Variants in PACRG observed in about 807,000 individuals in gnomAD.
The protein encoded by PACRG is parkin coregulated gene protein.
A neutral mutation model predicts 29.7 loss-of-function variants in PACRG; 29 were observed. The ratio of observed to expected loss-of-function variants is 0.98; its 90% CI spans 0.73 to 1.33. The LOEUF (loss-of-function observed/expected upper bound fraction) is 1.33. Among genes scored for constraint, PACRG ranks in the 40% most tolerant of loss-of-function variants. PACRG has a pLI of 0.00. For missense variants in PACRG, 279 were observed against 316.2 expected, an observed-to-expected ratio of 0.88 and a Z score of 0.89; for synonymous variants, 116 against 118.7, an observed-to-expected ratio of 0.98 and a Z score of 0.15.
At chr6:163,066,005 G>A (rs968927581) in intron 3 of PACRG, among the ~76,000 whole-genome samples, 11 of 152,178 alleles carry the variant, frequency 7.2e-5, no homozygotes, top group African/African-American at 2.7e-4. Context: ...GACAGGAATA[G>A]CAATCATAAT....
At chr6:163,103,425 T>A (rs1299948497) in intron 4 of PACRG, among the ~76,000 whole-genome samples, 1 of 152,174 alleles carries the variant, frequency 6.6e-6, no homozygotes, top group Non-Finnish European at 1.5e-5. Flanking sequence ...CTCATCTGCC[T>A]TCCTTTTCTG....
At chr6:162,886,004 G>T (rs1283557308) in intron 2 of PACRG, among the ~76,000 whole-genome samples, 1 of 152,146 alleles carries the variant, frequency 6.6e-6, no homozygotes, top group African/African-American at 2.4e-5. Flanking sequence ...TTCATTAGTT[G>T]TAAGTTCTTT....
intron 2 of PACRG, among the ~76,000 whole-genome samples, chr6:163,016,657 T>C (rs1480718100): frequency 6.6e-6 from 1 of 152,136 alleles, no homozygotes; most frequent in African/African-American, 2.4e-5. Context: ...TTTTATGATA[T>C]GCAAGCACAG....
intron 4 of PACRG, among the ~76,000 whole-genome samples, chr6:163,309,014 A>T (rs1379160224): frequency 6.7e-6 from 1 of 148,772 alleles, no homozygotes; most frequent in African/African-American, 2.5e-5. Flanking sequence ...AAACTATTTG[A>T]TTTCTTCTGT....
intron 2 of PACRG, among the ~76,000 whole-genome samples, chr6:163,020,799 A>G (rs1038922955): frequency 2.0e-5 from 3 of 152,058 alleles, no homozygotes; most frequent in African/African-American, 7.2e-5. Context: ...TGTTCTAAAA[A>G]TGTCTCATTT....
At chr6:163,143,827 T>C (rs1180126791) in intron 4 of PACRG, among the ~76,000 whole-genome samples, 1 of 151,862 alleles carries the variant, frequency 6.6e-6, no homozygotes, top group African/African-American at 2.4e-5. Context: ...GGCAAAGAGA[T>C]CCTGAGAGGG....
chr6:163,123,598 C>G (rs1816393607), intron 4 of PACRG, among the ~76,000 whole-genome samples: 1 of 151,868 alleles, frequency 6.6e-6, no homozygotes, highest in Admixed American at 6.5e-5. Flanking sequence ...TACAGGAGAT[C>G]TCTGGAACTT....
chr6:162,819,709 TGTTTTTAA>T (rs935586420), intron 2 of PACRG, among the ~76,000 whole-genome samples: 1 of 152,234 alleles, frequency 6.6e-6, no homozygotes, highest in Non-Finnish European at 1.5e-5. Context: ...AGGAGCTGAT[TGTTTTTAA>T]GTTTTATTTC....
At chr6:163,284,630 G>A (rs1445515378) in intron 4 of PACRG, among the ~76,000 whole-genome samples, 1 of 152,150 alleles carries the variant, frequency 6.6e-6, no homozygotes, top group African/African-American at 2.4e-5. Flanking sequence ...TGAAACACAT[G>A]ACATCACATA....
At position 163,281,255 on chromosome 6, in the gene PACRG, A is replaced by G. The variant is rs1448412272; in HGVS notation, c.614-33572A>G. Among the ~76,000 whole-genome samples, 9 of 152,290 alleles carry G rather than the reference A, an allele frequency of 5.9e-5. No homozygotes were observed. The East Asian group carries it at 1.7e-3, about 30-fold the overall frequency. On this transcript the variant is annotated intron_variant, in intron 4 of 4. Coordinates refer to ENST00000366888, the MANE Select transcript of PACRG (RefSeq NM_001080379.2). ...GTTCAGAGGAGGCAGGGCTCAAGAA[A>G]CGGCAGCAAGGCTACTGGGAAAAAC...
intron 4 of PACRG, chr6:163,189,500 T>C (rs1780104674): frequency 6.6e-6 from 1 of 152,228 alleles, no homozygotes; most frequent in African/African-American, 2.4e-5. Context: ...AGCTTATTCA[T>C]TATCTGATAC....
chr6:163,273,462 T>G lies in PACRG; in HGVS notation c.614-41365T>G, dbSNP rs541328138. Among the ~76,000 whole-genome samples, 3 of 152,310 alleles carry G rather than the reference T, an allele frequency of 2.0e-5. No homozygotes were observed. The East Asian group carries it at 5.8e-4, about 29-fold the overall frequency. On this transcript the variant is annotated intron_variant, in intron 4 of 4. Coordinates refer to ENST00000366888, the MANE Select transcript of PACRG (RefSeq NM_001080379.2). ...GGACCTAGCGACTTTTTCTTTTTGA[T>G]TAGACAAGAATAGCTTTTTGATAAC...
At chr6:162,938,643 T>C (rs1798402895) in intron 2 of PACRG, among the ~76,000 whole-genome samples, 1 of 152,238 alleles carries the variant, frequency 6.6e-6, no homozygotes, top group Non-Finnish European at 1.5e-5. Context: ...CCCTGTTCAC[T>C]GCATCCATCC....
chr6:163,294,499 A>C (rs1244088037), intron 4 of PACRG, among the ~76,000 whole-genome samples: 2 of 152,212 alleles, frequency 1.3e-5, no homozygotes, highest in Non-Finnish European at 1.5e-5. Flanking sequence ...CAAATGTAAA[A>C]TGGCAGCCCA....
chr6:163,179,291 C>T, intron 4 of PACRG: 3 of 455,186 alleles, frequency 6.6e-6, no homozygotes, highest in South Asian at 4.7e-5. Context: ...CTCAGCCTTC[C>T]TTCCCACCAC....
chr6:162,885,523 G>A (rs1584656026), intron 2 of PACRG, among the ~76,000 whole-genome samples: 1 of 103,412 alleles, frequency 9.7e-6, no homozygotes, highest in African/African-American at 2.7e-5. Context: ...TGCCTTCCTC[G>A]GCCTCCCAAA....
At chr6:163,212,704 T>G (rs532730292) in intron 4 of PACRG, among the ~76,000 whole-genome samples, 1 of 152,260 alleles carries the variant, frequency 6.6e-6, no homozygotes, top group East Asian at 1.9e-4. Context: ...ATATTTACCA[T>G]TATTTCATAT....
At chr6:162,736,421 A>G (rs942617005) in intron 1 of PACRG, among the ~76,000 whole-genome samples, 2 of 152,188 alleles carry the variant, frequency 1.3e-5, no homozygotes, top group African/African-American at 4.8e-5. Flanking sequence ...TTCTCAGTTC[A>G]TTTCATGATG....
At chr6:162,796,435 T>C (rs905560018) in intron 1 of PACRG, among the ~76,000 whole-genome samples, 2 of 152,206 alleles carry the variant, frequency 1.3e-5, no homozygotes, top group Admixed American at 1.3e-4. Flanking sequence ...TCTTTGTTCA[T>C]GTGTATTTGA....
Sources: allele counts gnomAD v4.1 joint callset (sites outside exome capture counted in the v4.1 genomes callset), GRCh38; gene constraint gnomAD v4.1.1; transcripts MANE v1.5; gene names NCBI Gene and HGNC (gene_info 2026-07-23, HGNC 2026-07-21).